The following SEMA3E variants were observed in gnomAD, a reference collection of about 807,000 sequenced individuals.
The protein encoded by SEMA3E is semaphorin-3E.
Under a neutral mutation model 93.6 loss-of-function variants are expected in SEMA3E, and 49 were observed. The observed-to-expected ratio is 0.52, with a 90% CI of 0.42 to 0.66. The LOEUF (loss-of-function observed/expected upper bound fraction) is 0.66. Among genes scored for constraint, SEMA3E ranks in the 30% least tolerant of loss-of-function variants. The pLI is 0.00. For synonymous variants in SEMA3E, 363 were observed against 330.7 expected (o/e 1.10, Z -1.06); for missense variants, 906 against 964.8 (o/e 0.94, Z 0.81).
intron 1 of SEMA3E, among the ~76,000 whole-genome samples, chr7:83,550,538 A>G (rs1021721380): frequency 6.6e-6 from 1 of 152,150 alleles, no homozygotes; most frequent in Non-Finnish European, 1.5e-5. Flanking sequence ...TAAACAAAAT[A>G]ATACATTCTA....
chr7:83,444,914 G>A (rs111905759), intron 4 of SEMA3E, among the ~76,000 whole-genome samples: 13 of 152,126 alleles, frequency 8.5e-5, no homozygotes, highest in African/African-American at 1.9e-4. Flanking sequence ...CAGGTGATGC[G>A]CCCGTTTTGG....
intron 16 of SEMA3E, among the ~76,000 whole-genome samples, chr7:83,369,668 C>T (rs1794725290): frequency 6.6e-6 from 1 of 152,066 alleles, no homozygotes; most frequent in Non-Finnish European, 1.5e-5. Flanking sequence ...CAAGAAGACC[C>T]TCAAAGCAAA....
At chr7:83,454,269 AAAAATATAT>A (rs1297733464) in intron 4 of SEMA3E, among the ~76,000 whole-genome samples, 1 of 102,700 alleles carries the variant, frequency 9.7e-6, no homozygotes, top group Non-Finnish European at 2.0e-5. Flanking sequence ...AAAAAAAAAA[AAAAATATAT>A]ATATATATAT....
chr7:83,527,616 G>A (rs1474440258), intron 1 of SEMA3E, among the ~76,000 whole-genome samples: 1 of 152,106 alleles, frequency 6.6e-6, no homozygotes, highest in Non-Finnish European at 1.5e-5. Flanking sequence ...AACATTGGAA[G>A]CTGTAAGTGC....
chr7:83,648,543 G>A lies in SEMA3E; in HGVS notation c.-1C>T, dbSNP rs1386529333. On this transcript the variant is annotated 5_prime_UTR_variant, in exon 1 of 17. Coordinates refer to ENST00000643230, the MANE Select transcript of SEMA3E (RefSeq NM_012431.3). Reference sequence around the variant, plus strand: ...TGATAATGTGCCCCGCGGATGCCATGCTGCCGTGTTCACCGTCCAAGCCCT... The same window carrying A: ...TGATAATGTGCCCCGCGGATGCCATACTGCCGTGTTCACCGTCCAAGCCCT... 1 of 1,611,414 alleles carries A rather than the reference G, an allele frequency of 6.2e-7. No homozygotes were observed. The highest frequency in any genetic ancestry group is 8.5e-7 in the Non-Finnish European group (1 of 1,177,912).
At chr7:83,618,951 T>C (rs556894372) in intron 1 of SEMA3E, among the ~76,000 whole-genome samples, 2 of 151,944 alleles carry the variant, frequency 1.3e-5, no homozygotes, top group South Asian at 2.1e-4. Flanking sequence ...TATACACACA[T>C]AGAAAAACAT....
At chr7:83,448,393 G>GC (rs1394143361) in intron 4 of SEMA3E, among the ~76,000 whole-genome samples, 2 of 152,192 alleles carry the variant, frequency 1.3e-5, no homozygotes, top group African/African-American at 4.8e-5. Flanking sequence ...ATGTCTATAA[G>GC]CCCAGTGCTT....
At chr7:83,594,576 G>A (rs1792828034) in intron 1 of SEMA3E, among the ~76,000 whole-genome samples, 1 of 151,870 alleles carries the variant, frequency 6.6e-6, no homozygotes, top group African/African-American at 2.4e-5. Context: ...TTTCTGGAAG[G>A]GTATGAATTT....
At chr7:83,415,899 C>G (rs1788529955) in intron 5 of SEMA3E, among the ~76,000 whole-genome samples, 1 of 152,060 alleles carries the variant, frequency 6.6e-6, no homozygotes. Context: ...GGAGGCTTGT[C>G]TTAACCCATC....
At chr7:83,516,021 C>G (rs1190597901) in intron 1 of SEMA3E, among the ~76,000 whole-genome samples, 1 of 151,966 alleles carries the variant, frequency 6.6e-6, no homozygotes, top group African/African-American at 2.4e-5. Context: ...AGTAAGACTC[C>G]GTGTCAAAAC....
chr7:83,554,048 G>A (rs2115811336), intron 1 of SEMA3E, among the ~76,000 whole-genome samples: 1 of 152,050 alleles, frequency 6.6e-6, no homozygotes, highest in Non-Finnish European at 1.5e-5. Flanking sequence ...TTTCATTGCT[G>A]CATACTTAAG....
chr7:83,542,596 A>T (rs980394659), intron 1 of SEMA3E, among the ~76,000 whole-genome samples: 3 of 147,502 alleles, frequency 2.0e-5, no homozygotes, highest in Non-Finnish European at 3.0e-5. Context: ...CAAAATCCAT[A>T]AAAAAAAAAC....
chr7:83,368,958 A>G (rs73709850), intron 16 of SEMA3E, among the ~76,000 whole-genome samples: 14,526 of 152,136 alleles, frequency 0.095, 742 homozygotes, highest in Middle Eastern at 0.15. Context: ...TTTTCTTTGT[A>G]AAGTGGAGAT....
At chr7:83,456,746 C>G (rs2115840205) in intron 4 of SEMA3E, among the ~76,000 whole-genome samples, 1 of 151,972 alleles carries the variant, frequency 6.6e-6, no homozygotes, top group South Asian at 2.1e-4. Flanking sequence ...CCTGAGTAGT[C>G]AGGATTACAG....
In SEMA3E at chr7:83,406,069, C is replaced by A. The variant is rs1053672541; in HGVS notation, c.814-10G>T. 8.9e-6 allele frequency: 14 copies of A among 1,581,358 alleles called. No homozygotes were observed. The highest frequency in any genetic ancestry group is 1.0e-5 in the Non-Finnish European group (12 of 1,150,834). On this transcript the variant is annotated splice_polypyrimidine_tract_variant and intron_variant, in intron 7 of 16. Transcript: ENST00000643230. Reference sequence around the variant, plus strand: ...GCCCTCCTACATCATTCTGTGAAAACCAAAAAGGAGGTAAATAGTTACCTA... The same window carrying A: ...GCCCTCCTACATCATTCTGTGAAAAACAAAAAGGAGGTAAATAGTTACCTA...
In SEMA3E at chr7:83,477,410, A is replaced by C. The variant is rs557261162; in HGVS notation, c.277-8108T>G. On this transcript the variant is annotated intron_variant, in intron 2 of 16. Coordinates refer to ENST00000643230, the MANE Select transcript of SEMA3E (RefSeq NM_012431.3). The stretch of plus-strand genomic sequence containing the variant: ...GATCCTATAAATATTATTAAAAACA[A>C]GAAAATATATTTTGAATAGAACACA... Among the ~76,000 whole-genome samples the C allele has an allele frequency of 1.6e-3, 243 of 152,260 alleles. 2 individuals carry two copies. The highest frequency in any genetic ancestry group is 5.7e-3 in the African/African-American group (237 of 41,584).
intron 9 of SEMA3E, among the ~76,000 whole-genome samples, 174 bp from the exon 10 acceptor site, chr7:83,402,950 T>G (rs1788259623): frequency 6.6e-6 from 1 of 152,016 alleles, no homozygotes. Flanking sequence ...ATTTTGAAAC[T>G]CTGAAACTTA....
chr7:83,521,955 C>T (rs1791059658), intron 1 of SEMA3E, among the ~76,000 whole-genome samples: 1 of 152,066 alleles, frequency 6.6e-6, no homozygotes. Flanking sequence ...TATCTAAAGT[C>T]ATGATGCCAA....
intron 2 of SEMA3E, among the ~76,000 whole-genome samples, chr7:83,479,140 G>A (rs1349083037): frequency 1.3e-5 from 2 of 151,782 alleles, no homozygotes; most frequent in Non-Finnish European, 1.5e-5. Context: ...CCCACATGTC[G>A]CCAACCCATC....
Sources: gnomAD v4.1 joint callset for allele counts (sites outside exome capture counted in the v4.1 genomes callset) on GRCh38, gnomAD v4.1.1 for gene constraint, MANE v1.5 for transcripts, NCBI Gene and HGNC (gene_info 2026-07-23, HGNC 2026-07-21) for gene names.